The following FERMT2 variants were observed in gnomAD, a reference collection of about 807,000 sequenced individuals.
The protein encoded by FERMT2 is fermitin family homolog 2.
FERMT2 carries 15 observed loss-of-function variants against 82.7 expected under a neutral mutation model. That is an observed-to-expected ratio of 0.18 (90% CI 0.12 to 0.28). FERMT2 has a LOEUF of 0.28. Among genes scored for constraint, FERMT2 ranks in the 10% least tolerant of loss-of-function variants. FERMT2 has a pLI of 1.00. For synonymous variants in FERMT2, 274 were observed against 271.5 expected (o/e 1.01, Z -0.09); for missense variants, 645 against 809.4 (o/e 0.80, Z 2.46).
chr14:52,919,288 G>T lies in FERMT2; in HGVS notation c.226C>A (p.His76Asn), dbSNP rs1203072557. 1 of 1,613,936 alleles carries T rather than the reference G, an allele frequency of 6.2e-7. No homozygotes were observed. Among genetic ancestry groups the T allele is most frequent in the East Asian group, 2.2e-5 (1 of 44,892 alleles). ...ATACCATACTTATCTAAGGTCCAATGTGTCTTCAGAAGCCAAGTTCTCTTC... is the reference window on the plus strand; with the variant it reads ...ATACCATACTTATCTAAGGTCCAATTTGTCTTCAGAAGCCAAGTTCTCTTC... Reference protein sequence around the residue: ...EKKRTWLLKTHWTLDKYGIQA... With the variant: ...EKKRTWLLKTNWTLDKYGIQA... Residue 76 changes from histidine to asparagine, a missense_variant, in exon 3 of 15, where the codon CAT (histidine) becomes AAT (asparagine). By Grantham distance (68) the His-to-Asn change is moderately conservative. Transcript: ENST00000341590.
intron 4 of FERMT2, among the ~76,000 whole-genome samples, chr14:52,882,162 T>C (rs1291680195): frequency 6.6e-6 from 1 of 152,216 alleles, no homozygotes; most frequent in Non-Finnish European, 1.5e-5. Context: ...AGATTAAGAA[T>C]AATTTTATAG....
At position 52,948,224 on chromosome 14, in the gene FERMT2, C is replaced by T. The variant is rs368792050; in HGVS notation, c.157+2188G>A. Among the ~76,000 whole-genome samples, 38 of 152,344 alleles carry T rather than the reference C, an allele frequency of 2.5e-4. No homozygotes were observed. The East Asian group carries it at 3.5e-3, about 14-fold the overall frequency. Reference sequence around the variant, plus strand: ...TAGTCATCCAGTCTGCCCTTTAATACCTTCAGTGACATAAGTCAGGGCTTC... The same window carrying T: ...TAGTCATCCAGTCTGCCCTTTAATATCTTCAGTGACATAAGTCAGGGCTTC... On this transcript the variant is annotated intron_variant, in intron 2 of 14. Coordinates refer to ENST00000341590, the MANE Select transcript of FERMT2 (RefSeq NM_006832.3).
In FERMT2 at chr14:52,950,597, G is replaced by A. The variant is rs769583146; in HGVS notation, c.-9-20C>T. 3 of 1,610,380 alleles carry A rather than the reference G, an allele frequency of 1.9e-6. No individual in the cohort carries two copies. The highest frequency in any genetic ancestry group is 2.5e-6 in the Non-Finnish European group (3 of 1,178,198). ...TCCTTCCTGCGAGCGCGGAGGAAAT[G>A]GCTCTCGTAAGCGTCACTCCCCCAA... On this transcript the variant is annotated intron_variant, in intron 1 of 14. Transcript: ENST00000341590.
At chr14:52,893,535 C>T in intron 3 of FERMT2, 108 bp from the exon 4 acceptor site, 2 of 830,392 alleles carry the variant, frequency 2.4e-6, no homozygotes, top group Non-Finnish European at 3.7e-6. Flanking sequence ...TTCTGTATGT[C>T]TGAGTTGTGT....
At chr14:52,932,896 A>T (rs1226897200) in intron 2 of FERMT2, among the ~76,000 whole-genome samples, 1 of 149,428 alleles carries the variant, frequency 6.7e-6, no homozygotes, top group African/African-American at 2.6e-5. Flanking sequence ...AGTTTTTATA[A>T]TATGAGTTTC....
chr14:52,929,572 G>A (rs1889468576), intron 2 of FERMT2, among the ~76,000 whole-genome samples: 1 of 152,102 alleles, frequency 6.6e-6, no homozygotes, highest in African/African-American at 2.4e-5. Context: ...AGCCACACTG[G>A]CCTTTTTTAG....
At chr14:52,883,512 C>A (rs1017960975) in intron 4 of FERMT2, among the ~76,000 whole-genome samples, 1 of 152,158 alleles carries the variant, frequency 6.6e-6, no homozygotes, top group African/African-American at 2.4e-5. Flanking sequence ...TTAAATAAAT[C>A]TGTTACGAAG....
chr14:52,944,258 A>C (rs1890222187), intron 2 of FERMT2, among the ~76,000 whole-genome samples: 1 of 152,240 alleles, frequency 6.6e-6, no homozygotes, highest in African/African-American at 2.4e-5. Flanking sequence ...TAAGATTTTA[A>C]CATTGTTTCC....
chr14:52,914,484 A>G (rs1190938082), intron 3 of FERMT2, among the ~76,000 whole-genome samples: 1 of 152,226 alleles, frequency 6.6e-6, no homozygotes, highest in African/African-American at 2.4e-5. Context: ...ACAACACAAC[A>G]ACAGTCATCA....
chr14:52,931,278 T>A (rs1889553958), intron 2 of FERMT2, among the ~76,000 whole-genome samples: 1 of 152,114 alleles, frequency 6.6e-6, no homozygotes, highest in Non-Finnish European at 1.5e-5. Context: ...AAGAACAAAA[T>A]GTCACAGAGG....
intron 10 of FERMT2, among the ~76,000 whole-genome samples, chr14:52,869,724 T>C (rs569959478): frequency 3.9e-5 from 6 of 152,340 alleles, no homozygotes; most frequent in African/African-American, 1.4e-4. Flanking sequence ...AAAGTACTTC[T>C]ACTTAAATAA....
chr14:52,933,322 A>G (rs1333279454), intron 2 of FERMT2, among the ~76,000 whole-genome samples: 1 of 151,872 alleles, frequency 6.6e-6, no homozygotes, highest in African/African-American at 2.4e-5. Flanking sequence ...CAACATCTCT[A>G]CCCTGAATTA....
chr14:52,945,798 C>T (rs934532336), intron 2 of FERMT2, among the ~76,000 whole-genome samples: 1 of 152,088 alleles, frequency 6.6e-6, no homozygotes, highest in East Asian at 1.9e-4. Context: ...CCTTATTCTC[C>T]GTTTAAAATG....
At chr14:52,885,312 CAAAAAAAA>C (rs1181582996) in intron 4 of FERMT2, among the ~76,000 whole-genome samples, 844 of 61,080 alleles carry the variant, frequency 0.014, 7 homozygotes, top group African/African-American at 0.051. Flanking sequence ...GACTTAGTCT[CAAAAAAAA>C]AAAAAAAAAA....
chr14:52,859,470 T>C, intron 14 of FERMT2, 103 bp downstream of exon 14: 1 of 1,075,500 alleles, frequency 9.3e-7, no homozygotes, highest in Non-Finnish European at 1.3e-6. Flanking sequence ...CTTTAAGAGG[T>C]GGTGGTACAA....
chr14:52,950,121 G>C (rs936153017), intron 2 of FERMT2, among the ~76,000 whole-genome samples: 21 of 152,130 alleles, frequency 1.4e-4, no homozygotes, highest in African/African-American at 5.1e-4. Flanking sequence ...TAAATGTTAA[G>C]AATTAACGAG....
rs1012413763 is a variant in FERMT2, at chr14:52,937,179, AATG to A, written c.157+13230_157+13232del. ...TCTGTCTTAAAATAATAATAATAATAATGATAATAATAATAAAGACTGTCTTTA... is the reference window on the plus strand; with the variant it reads ...TCTGTCTTAAAATAATAATAATAATAATAATAATAATAAAGACTGTCTTTA... On this transcript the variant is annotated intron_variant, in intron 2 of 14. Coordinates refer to ENST00000341590, the MANE Select transcript of FERMT2 (RefSeq NM_006832.3). Among the ~76,000 whole-genome samples, 5 of 152,040 alleles carry A rather than the reference AATG, an allele frequency of 3.3e-5. No individual in the cohort carries two copies. The South Asian group carries it at 8.3e-4, about 25-fold the overall frequency.
In FERMT2 at chr14:52,860,458, G is replaced by A. The variant is rs538894781; in HGVS notation, c.1610C>T (p.Ala537Val). The stretch of plus-strand genomic sequence containing the variant: ...ATTCTGATGGGCCTCCAAGATTCTC[G>A]CTGTTATCTAAACATGAGTAAACAT... ...LKKYKNKQIT[A>V]RILEAHQNVA... Residue 537 changes from alanine to valine, a missense_variant, in exon 13 of 15, where the codon GCG (alanine) becomes GTG (valine). By Grantham distance (64) the Ala-to-Val change is moderately conservative (BLOSUM62 0). Transcript: ENST00000341590. 36 of 1,611,580 alleles carry A rather than the reference G, an allele frequency of 2.2e-5. No homozygotes were observed. The South Asian group carries it at 3.2e-4, about 14-fold the overall frequency.
In FERMT2 at chr14:52,872,802, T is replaced by G. The variant is rs923442657; in HGVS notation, c.1270A>C (p.Arg424=). 9.9e-6 allele frequency: 16 copies of G among 1,613,324 alleles called. No individual in the cohort carries two copies. The highest frequency in any genetic ancestry group is 3.3e-4 in the Middle Eastern group (2 of 6,078). ...SGTPAHQMNL[R]GCEVTPDVNI... Reference sequence around the variant, plus strand: ...AGCCGTGCCAGGCTCTCCTTACCCCTGAGGTTCATCTGATGAGCTGGTGTG... The same window carrying G: ...AGCCGTGCCAGGCTCTCCTTACCCCGGAGGTTCATCTGATGAGCTGGTGTG... Residue 424 remains arginine, a synonymous_variant, in exon 10 of 15, where the codon AGG becomes CGG. Coordinates refer to ENST00000341590, the MANE Select transcript of FERMT2 (RefSeq NM_006832.3).
Sources: allele counts gnomAD v4.1 joint callset (sites outside exome capture counted in the v4.1 genomes callset), GRCh38; gene constraint gnomAD v4.1.1; transcripts MANE v1.5; gene names NCBI Gene and HGNC (gene_info 2026-07-23, HGNC 2026-07-21).